Variants in ZNF804A observed in about 807,000 individuals in gnomAD.
The protein encoded by ZNF804A is zinc finger protein 804A.
In ZNF804A, 2 loss-of-function variants were observed where a neutral mutation model predicts 16.5. The ratio of observed to expected loss-of-function variants is 0.12; its 90% CI spans 0.05 to 0.38. The LOEUF is 0.38. Among genes scored for constraint, ZNF804A ranks in the 10% least tolerant of loss-of-function variants. ZNF804A has a pLI of 0.99. For synonymous variants in ZNF804A, 534 were observed against 489.6 expected, an observed-to-expected ratio of 1.09 and a Z score of -1.20; for missense variants, 1,473 against 1,390.7, an observed-to-expected ratio of 1.06 and a Z score of -0.94.
intron 1 of ZNF804A, among the ~76,000 whole-genome samples, chr2:184,721,204 G>C (rs527600339): frequency 6.6e-6 from 1 of 151,972 alleles, no homozygotes; most frequent in East Asian, 1.9e-4. Flanking sequence ...TTGTGGCTAA[G>C]ACCTCAAAAA....
At chr2:184,872,877 T>C (rs1695996994) in intron 2 of ZNF804A, among the ~76,000 whole-genome samples, 1 of 152,218 alleles carries the variant, frequency 6.6e-6, no homozygotes, top group Non-Finnish European at 1.5e-5. Context: ...AAGATGTGTT[T>C]TGTTGATACA....
chr2:184,686,661 A>G (rs559099397), intron 1 of ZNF804A, among the ~76,000 whole-genome samples: 2 of 152,338 alleles, frequency 1.3e-5, no homozygotes, highest in African/African-American at 2.4e-5. Flanking sequence ...GTTCCCACCA[A>G]CAGTATATAA....
intron 2 of ZNF804A, among the ~76,000 whole-genome samples, chr2:184,894,153 G>A (rs1685030675): frequency 6.6e-6 from 1 of 152,054 alleles, no homozygotes; most frequent in South Asian, 2.1e-4. Flanking sequence ...AGGAAACAAA[G>A]CTTACCCCGT....
At chr2:184,839,157 A>G (rs959434088) in intron 1 of ZNF804A, among the ~76,000 whole-genome samples, 1 of 152,132 alleles carries the variant, frequency 6.6e-6, no homozygotes, top group African/African-American at 2.4e-5. Context: ...CTAAACTGCC[A>G]CAATTCCAAA....
chr2:184,829,899 C>CAAAAAAAAAAAAAAAAA lies in ZNF804A; in HGVS notation c.112-36463_112-36447dup, dbSNP rs1244566222. On this transcript the variant is annotated intron_variant, in intron 1 of 3. Coordinates refer to ENST00000302277, the MANE Select transcript of ZNF804A (RefSeq NM_194250.2). ...CAACATGTCAAAACCCTGTCTCTACCAAAAAAAAAAAAAAAAAAAAAAACA... is the reference window on the plus strand; with the variant it reads ...CAACATGTCAAAACCCTGTCTCTACCAAAAAAAAAAAAAAAAAAAAAAAAAAAAAAAAAAAAAAAACA... 3.9e-4 allele frequency among the ~76,000 whole-genome samples: 15 copies of CAAAAAAAAAAAAAAAAA among 38,900 alleles called. 1 individual carries two copies. Among genetic ancestry groups the CAAAAAAAAAAAAAAAAA allele is most frequent in the East Asian group, 7.8e-4 (1 of 1,288 alleles). The allele number at this position is 38,900 out of a possible 152,430, so 25.5% of individuals were successfully genotyped here. A position where few individuals can be genotyped will look rare whatever the true frequency, so the allele number is the denominator to read the frequency against.
intron 2 of ZNF804A, among the ~76,000 whole-genome samples, chr2:184,925,339 T>A (rs544132980): frequency 2.0e-5 from 3 of 152,096 alleles, no homozygotes; most frequent in African/African-American, 7.2e-5. Flanking sequence ...TTATCTCATA[T>A]AACTATAGCT....
intron 1 of ZNF804A, among the ~76,000 whole-genome samples, chr2:184,736,088 G>A (rs916802970): frequency 8.6e-5 from 13 of 152,040 alleles, no homozygotes; most frequent in African/African-American, 2.9e-4. Flanking sequence ...TTTCCATTTT[G>A]ATGTTCAGTC....
At chr2:184,616,240 A>G (rs1197406802) in intron 1 of ZNF804A, among the ~76,000 whole-genome samples, 1 of 152,134 alleles carries the variant, frequency 6.6e-6, no homozygotes. Flanking sequence ...CTAGAGAGAC[A>G]TGAGTTTGAA....
chr2:184,771,962 C>G (rs1694222383), intron 1 of ZNF804A, among the ~76,000 whole-genome samples: 1 of 151,994 alleles, frequency 6.6e-6, no homozygotes, highest in African/African-American at 2.4e-5. Flanking sequence ...GTAAATGTCT[C>G]ACTTCCTCTC....
At chr2:184,716,947 G>A (rs997032959) in intron 1 of ZNF804A, among the ~76,000 whole-genome samples, 9 of 151,932 alleles carry the variant, frequency 5.9e-5, no homozygotes, top group African/African-American at 1.7e-4. Flanking sequence ...TCCTCCAACT[G>A]TCCTCTTTTG....
intron 1 of ZNF804A, among the ~76,000 whole-genome samples, chr2:184,752,308 A>G (rs758782145): frequency 1.3e-4 from 20 of 151,764 alleles, no homozygotes; most frequent in Non-Finnish European, 2.8e-4. Context: ...GACAAAAATA[A>G]TAAAATTATG....
chr2:184,735,500 G>T (rs149063513), intron 1 of ZNF804A, among the ~76,000 whole-genome samples: 7,880 of 152,094 alleles, frequency 0.052, 261 homozygotes, highest in Middle Eastern at 0.078. Context: ...TAGATGATGG[G>T]TTGATGGGTG....
chr2:184,611,374 A>G (rs1691236349), intron 1 of ZNF804A, among the ~76,000 whole-genome samples: 1 of 152,010 alleles, frequency 6.6e-6, no homozygotes, highest in Admixed American at 6.6e-5. Flanking sequence ...TAGAATCTTA[A>G]ATATGTGCTG....
intron 1 of ZNF804A, among the ~76,000 whole-genome samples, chr2:184,804,726 T>C (rs887099106): frequency 2.0e-5 from 3 of 151,928 alleles, no homozygotes; most frequent in African/African-American, 7.3e-5. Context: ...GAAGGGTGAG[T>C]AGTTTAATGT....
At chr2:184,900,012 A>C (rs1300159280) in intron 2 of ZNF804A, among the ~76,000 whole-genome samples, 1 of 152,114 alleles carries the variant, frequency 6.6e-6, no homozygotes, top group Non-Finnish European at 1.5e-5. Flanking sequence ...TGAGTAATTT[A>C]AGAAACTTTT....
intron 1 of ZNF804A, among the ~76,000 whole-genome samples, chr2:184,807,656 T>C (rs901156398): frequency 1.3e-5 from 2 of 151,838 alleles, no homozygotes; most frequent in African/African-American, 4.8e-5. Context: ...TAACTACTTT[T>C]TGACATTAAA....
chr2:184,915,973 T>TA (rs1320455008), intron 2 of ZNF804A, among the ~76,000 whole-genome samples: 2 of 152,172 alleles, frequency 1.3e-5, no homozygotes, highest in African/African-American at 4.8e-5. Flanking sequence ...TAGAATATCT[T>TA]AACCTTCTCT....
chr2:184,774,687 A>G (rs757195741), intron 1 of ZNF804A, among the ~76,000 whole-genome samples: 2 of 151,800 alleles, frequency 1.3e-5, no homozygotes, highest in Non-Finnish European at 2.9e-5. Flanking sequence ...TCTATTTTTA[A>G]TCATTTTATC....
In ZNF804A at chr2:184,939,174, T is replaced by G; in HGVS notation, c.*148T>G. On this transcript the variant is annotated 3_prime_UTR_variant, in exon 4 of 4. Coordinates refer to ENST00000302277, the MANE Select transcript of ZNF804A (RefSeq NM_194250.2). The stretch of plus-strand genomic sequence containing the variant: ...TTGGTTTGAAATCATTTACTGTAAG[T>G]GCAATGATGCAAATAAATCCCTAAG... 1 of 918,500 alleles carries G rather than the reference T, an allele frequency of 1.1e-6. No homozygotes were observed. Among genetic ancestry groups the G allele is most frequent in the Admixed American group, 2.5e-5 (1 of 40,480 alleles). The allele number at this position is 918,500 out of a possible 1,614,324, so 56.9% of individuals were successfully genotyped here. A position where few individuals can be genotyped will look rare whatever the true frequency, so the allele number is the denominator to read the frequency against.
Sources: allele counts gnomAD v4.1 joint callset (sites outside exome capture counted in the v4.1 genomes callset), GRCh38; gene constraint gnomAD v4.1.1; transcripts MANE v1.5; gene names NCBI Gene and HGNC (gene_info 2026-07-23, HGNC 2026-07-21).